The following DOCK3 variants were observed in gnomAD, a reference collection of about 807,000 sequenced individuals.
DOCK3 encodes dedicator of cytokinesis protein 3.
A neutral mutation model predicts 265.6 loss-of-function variants in DOCK3; 60 were observed. That is an observed-to-expected ratio of 0.23 (90% confidence interval 0.18 to 0.28). The LOEUF is 0.28. DOCK3 is among the 10% of genes least tolerant of loss of function. The pLI, the probability that DOCK3 is intolerant of heterozygous loss-of-function variation, is 1.00. For synonymous variants in DOCK3, 881 were observed against 938.0 expected (o/e 0.94, Z 1.11); for missense variants, 1,981 against 2,594.3 (o/e 0.76, Z 5.14).
intron 12 of DOCK3, among the ~76,000 whole-genome samples, chr3:51,185,988 GGTACCA>G (rs1416981197): frequency 2.0e-5 from 3 of 152,088 alleles, no homozygotes; most frequent in African/African-American, 7.2e-5. Context: ...ACAATAAATT[GGTACCA>G]GTAGAGTCGG....
At chr3:51,140,081 G>T (rs10212240) in intron 9 of DOCK3, among the ~76,000 whole-genome samples, 139,898 of 152,280 alleles carry the variant, frequency 0.92, 64,464 homozygotes, top group African/African-American at 0.98. Context: ...GTTGTTTGTT[G>T]GTTTTCTGTA....
chr3:50,720,777 A>G (rs988641708), intron 1 of DOCK3, among the ~76,000 whole-genome samples: 6 of 152,302 alleles, frequency 3.9e-5, no homozygotes, highest in East Asian at 3.9e-4. Flanking sequence ...GAAATTGCCA[A>G]ACTTCTTCCA....
chr3:50,871,274 T>G (rs1330930759), intron 3 of DOCK3, among the ~76,000 whole-genome samples: 1 of 152,002 alleles, frequency 6.6e-6, no homozygotes, highest in Non-Finnish European at 1.5e-5. Context: ...GTATTTTCCC[T>G]GGATACATTA....
At chr3:51,150,766 C>G (rs2085546514) in intron 10 of DOCK3, among the ~76,000 whole-genome samples, 1 of 152,080 alleles carries the variant, frequency 6.6e-6, no homozygotes, top group Admixed American at 6.5e-5. Flanking sequence ...ACTATGTGTT[C>G]AATTTTGGAA....
intron 23 of DOCK3, among the ~76,000 whole-genome samples, chr3:51,265,919 A>T (rs1253726105): frequency 1.3e-5 from 2 of 152,212 alleles, no homozygotes; most frequent in African/African-American, 4.8e-5. Context: ...CTCTGTTTAC[A>T]GATGACATGA....
At chr3:51,032,684 G>C (rs2080100493) in intron 5 of DOCK3, among the ~76,000 whole-genome samples, 1 of 152,076 alleles carries the variant, frequency 6.6e-6, no homozygotes, top group Non-Finnish European at 1.5e-5. Context: ...GAGGCAGGAG[G>C]ATCGATTGAG....
intron 19 of DOCK3, among the ~76,000 whole-genome samples, chr3:51,231,851 T>G (rs527543148): frequency 6.6e-6 from 1 of 152,192 alleles, no homozygotes; most frequent in Non-Finnish European, 1.5e-5. Flanking sequence ...TCCAGAATGG[T>G]GTTTCCTAGG....
intron 5 of DOCK3, among the ~76,000 whole-genome samples, chr3:50,999,233 T>C (rs2078388112): frequency 6.6e-6 from 1 of 152,218 alleles, no homozygotes; most frequent in South Asian, 2.1e-4. Flanking sequence ...TAAGTTATTA[T>C]TTCATATATT....
chr3:51,102,255 A>G (rs1312468804), intron 9 of DOCK3, among the ~76,000 whole-genome samples: 4 of 152,220 alleles, frequency 2.6e-5, no homozygotes, highest in Admixed American at 1.3e-4. Context: ...TTTACAAAGC[A>G]ATGTAAAATA....
chr3:51,239,453 C>T (rs2078500025), intron 21 of DOCK3, among the ~76,000 whole-genome samples: 1 of 151,974 alleles, frequency 6.6e-6, no homozygotes, highest in Non-Finnish European at 1.5e-5. Flanking sequence ...GCCTCGGCCT[C>T]CCAAAGTGCT....
chr3:51,107,343 G>A (rs1385175695), intron 9 of DOCK3, among the ~76,000 whole-genome samples: 1 of 152,130 alleles, frequency 6.6e-6, no homozygotes, highest in African/African-American at 2.4e-5. Flanking sequence ...TCCAACAAGG[G>A]TTCTTAACTG....
chr3:51,053,774 T>C (rs917322571), intron 5 of DOCK3, among the ~76,000 whole-genome samples: 2 of 152,164 alleles, frequency 1.3e-5, no homozygotes, highest in African/African-American at 4.8e-5. Flanking sequence ...GTGTAGCCAC[T>C]TCACATATAG....
chr3:51,230,773 C>G (rs1374245558), intron 19 of DOCK3, among the ~76,000 whole-genome samples: 1 of 152,116 alleles, frequency 6.6e-6, no homozygotes, highest in Non-Finnish European at 1.5e-5. Flanking sequence ...CCTTGGCCTC[C>G]CAAAGTGCTG....
rs574529302 is a variant in DOCK3, at chr3:51,049,265, G to A, written c.316-15183G>A. 1.2e-4 allele frequency among the ~76,000 whole-genome samples: 19 copies of A among 152,236 alleles called. No homozygotes were observed. The South Asian group carries it at 2.9e-3, about 23-fold the overall frequency. ...CGCTTGAGCCTGGGAGGTGGCGATT[G>A]CAGTGAGCTGAGATTGTACCACTGC... is the stretch of plus-strand genomic sequence containing the variant. On this transcript the variant is annotated intron_variant, in intron 5 of 52. Transcript: ENST00000266037.
chr3:51,219,397 T>G (rs111421211), intron 14 of DOCK3, among the ~76,000 whole-genome samples: 3 of 152,310 alleles, frequency 2.0e-5, no homozygotes, highest in Non-Finnish European at 2.9e-5. Context: ...ATGTACATAT[T>G]AATAATCCTC....
intron 5 of DOCK3, among the ~76,000 whole-genome samples, chr3:51,049,808 C>T (rs2080921326): frequency 6.9e-6 from 1 of 145,122 alleles, no homozygotes; most frequent in South Asian, 2.3e-4. Context: ...CACACACACA[C>T]ACACACACAC....
At chr3:50,997,367 T>C (rs2078323040) in intron 5 of DOCK3, among the ~76,000 whole-genome samples, 1 of 152,060 alleles carries the variant, frequency 6.6e-6, no homozygotes, top group African/African-American at 2.4e-5. Context: ...TTCATATCTT[T>C]TAGGAAAAAA....
chr3:51,041,174 A>G (rs2080472380), intron 5 of DOCK3, among the ~76,000 whole-genome samples: 10 of 9,014 alleles, frequency 1.1e-3, no homozygotes, highest in Non-Finnish European at 1.7e-3. Flanking sequence ...ATATATATAT[A>G]TATATATATA....
chr3:51,299,327 G>A (rs1334201619), intron 27 of DOCK3, among the ~76,000 whole-genome samples: 1 of 152,070 alleles, frequency 6.6e-6, no homozygotes, highest in African/African-American at 2.4e-5. Flanking sequence ...ACCTTTGTCA[G>A]ATGGATAGAT....
Sources: allele counts gnomAD v4.1 joint callset (sites outside exome capture counted in the v4.1 genomes callset), GRCh38; gene constraint gnomAD v4.1.1; transcripts MANE v1.5; gene names NCBI Gene and HGNC (gene_info 2026-07-23, HGNC 2026-07-21).